The following GLRA3 variants were observed in gnomAD, a reference collection of about 807,000 sequenced individuals.
GLRA3 encodes the protein glycine receptor alpha 3.
A neutral mutation model predicts 60.4 loss-of-function variants in GLRA3; 44 were observed. That is an observed-to-expected ratio of 0.73 (90% CI 0.57 to 0.94). The LOEUF is 0.94. Among genes scored for constraint, GLRA3 ranks in the 40% least tolerant of loss-of-function variants. The pLI is 0.00. For missense variants in GLRA3, 508 were observed against 564.6 expected (o/e 0.90, Z 1.02); for synonymous variants, 223 against 192.9 (o/e 1.16, Z -1.29).
At chr4:174,697,950 C>A (rs4695951) in intron 5 of GLRA3, among the ~76,000 whole-genome samples, 1 of 152,118 alleles carries the variant, frequency 6.6e-6, no homozygotes, top group Non-Finnish European at 1.5e-5. Flanking sequence ...GGGTCTTGCC[C>A]GACTACCTTT....
chr4:174,643,541 T>TG lies in GLRA3; in HGVS notation c.*244dup, dbSNP rs1295417707. On this transcript the variant is annotated 3_prime_UTR_variant, in exon 10 of 10. Coordinates refer to ENST00000274093, the MANE Select transcript of GLRA3 (RefSeq NM_006529.4). ...AAGCTTCCACTTACATGGTTTACTG[T>TG]GAAAAAACAAATCACCTGGAATTAA... is the stretch of plus-strand genomic sequence containing the variant. 1.7e-6 allele frequency: 2 copies of TG among 1,163,768 alleles called. No homozygotes were observed. The highest frequency in any genetic ancestry group is 2.1e-6 in the Non-Finnish European group (2 of 939,996). 72.1% of individuals were successfully genotyped at this position (1,163,768 alleles called of 1,614,324 possible).
At chr4:174,799,485 C>T (rs1337551359) in intron 1 of GLRA3, among the ~76,000 whole-genome samples, 5 of 152,166 alleles carry the variant, frequency 3.3e-5, no homozygotes, top group Admixed American at 6.5e-5. Context: ...AACTGAGAGG[C>T]TAACAACCTG....
intron 5 of GLRA3, among the ~76,000 whole-genome samples, chr4:174,710,128 A>T (rs1032508199): frequency 9.9e-5 from 15 of 151,774 alleles, no homozygotes; most frequent in African/African-American, 3.4e-4. Context: ...AAACTTGATG[A>T]TGCTGTCTTT....
chr4:174,752,034 T>G (rs1737508943), intron 3 of GLRA3, among the ~76,000 whole-genome samples: 1 of 152,172 alleles, frequency 6.6e-6, no homozygotes, highest in African/African-American at 2.4e-5. Context: ...TTTTTATGTC[T>G]GCTGTCAAAT....
intron 1 of GLRA3, among the ~76,000 whole-genome samples, chr4:174,808,888 ATTG>A (rs1740153059): frequency 1.3e-5 from 2 of 152,224 alleles, no homozygotes; most frequent in Non-Finnish European, 2.9e-5. Flanking sequence ...TAAGCTAAGC[ATTG>A]TTATCAAAGA....
chr4:174,742,742 T>C (rs1294849413), intron 3 of GLRA3, among the ~76,000 whole-genome samples: 4 of 152,192 alleles, frequency 2.6e-5, no homozygotes, highest in African/African-American at 4.8e-5. Context: ...TTCATCACCT[T>C]TCCCAGAAGG....
rs562449164 is a variant in GLRA3, at chr4:174,691,590, C to T, written c.575-8651G>A. Among the ~76,000 whole-genome samples, 258 of 152,324 alleles carry T rather than the reference C, an allele frequency of 1.7e-3. 3 individuals are homozygous for T. The highest frequency in any genetic ancestry group is 0.015 in the Admixed American group (231 of 15,306). On this transcript the variant is annotated intron_variant, in intron 5 of 9. Coordinates refer to ENST00000274093, the MANE Select transcript of GLRA3 (RefSeq NM_006529.4). ...TATTTTTTTGGTGGAGACGGGGTTT[C>T]GCTGTGTTGGCTGGGCTGGTCTCCA...
chr4:174,697,671 T>A (rs1384115474), intron 5 of GLRA3, among the ~76,000 whole-genome samples: 5 of 152,204 alleles, frequency 3.3e-5, no homozygotes, highest in Admixed American at 2.6e-4. Context: ...TTAACGTATA[T>A]CACAGACTTA....
intron 3 of GLRA3, among the ~76,000 whole-genome samples, chr4:174,736,073 A>C (rs1483083834): frequency 2.0e-5 from 3 of 152,090 alleles, no homozygotes; most frequent in Non-Finnish European, 4.4e-5. Flanking sequence ...ATGGGAAGAA[A>C]ATTTTTTGAG....
chr4:174,828,670 A>T (rs975760154), intron 1 of GLRA3, 71 bp downstream of exon 1: 3 of 902,326 alleles, frequency 3.3e-6, no homozygotes, highest in African/African-American at 1.6e-5. Flanking sequence ...CGGTCTCATC[A>T]ATAACAAGTG....
intron 3 of GLRA3, among the ~76,000 whole-genome samples, chr4:174,730,813 T>A (rs886762506): frequency 3.9e-5 from 6 of 152,162 alleles, no homozygotes; most frequent in Admixed American, 2.0e-4. Flanking sequence ...TTCTGAAATA[T>A]CTCTATCTCT....
intron 3 of GLRA3, among the ~76,000 whole-genome samples, chr4:174,741,263 A>G (rs1476064322): frequency 2.6e-5 from 4 of 152,188 alleles, no homozygotes; most frequent in African/African-American, 9.6e-5. Flanking sequence ...TGTTTAAAAA[A>G]TTAATTTCAC....
chr4:174,648,042 G>A (rs753139422), intron 9 of GLRA3, among the ~76,000 whole-genome samples: 4 of 152,190 alleles, frequency 2.6e-5, no homozygotes, highest in Non-Finnish European at 5.9e-5. Context: ...GGATGCAGTA[G>A]TGTGAAAAGT....
At chr4:174,743,358 T>C (rs907422386) in intron 3 of GLRA3, among the ~76,000 whole-genome samples, 3 of 152,182 alleles carry the variant, frequency 2.0e-5, no homozygotes, top group African/African-American at 7.2e-5. Flanking sequence ...GCTTTTAACT[T>C]AGTCTCTTCT....
intron 2 of GLRA3, among the ~76,000 whole-genome samples, chr4:174,776,765 A>C (rs1370345910): frequency 6.6e-6 from 1 of 152,198 alleles, no homozygotes; most frequent in Non-Finnish European, 1.5e-5. Flanking sequence ...GATTGTTACT[A>C]TTGTCATAAA....
chr4:174,773,304 C>T (rs1458832630), intron 2 of GLRA3, among the ~76,000 whole-genome samples: 1 of 125,816 alleles, frequency 7.9e-6, no homozygotes, highest in East Asian at 3.1e-4. Context: ...AGTAAGTTTT[C>T]GTTTAGATGT....
At chr4:174,660,128 ACT>A (rs1733379979) in intron 7 of GLRA3, among the ~76,000 whole-genome samples, 1 of 152,102 alleles carries the variant, frequency 6.6e-6, no homozygotes, top group South Asian at 2.1e-4. Flanking sequence ...AACACCATAC[ACT>A]CAACAAAATC....
intron 7 of GLRA3, among the ~76,000 whole-genome samples, chr4:174,673,507 G>T (rs533661005): frequency 1.4e-4 from 22 of 152,272 alleles, no homozygotes; most frequent in Admixed American, 1.4e-3. Flanking sequence ...AAGTTTTGGG[G>T]TGAGTGGGTC....
At chr4:174,803,879 T>C (rs564448841) in intron 1 of GLRA3, among the ~76,000 whole-genome samples, 1 of 152,332 alleles carries the variant, frequency 6.6e-6, no homozygotes, top group Non-Finnish European at 1.5e-5. Context: ...ATTCAACTCC[T>C]GGTTGAAATT....
Sources: allele counts gnomAD v4.1 joint callset (sites outside exome capture counted in the v4.1 genomes callset), GRCh38; gene constraint gnomAD v4.1.1; transcripts MANE v1.5; gene names NCBI Gene and HGNC (gene_info 2026-07-23, HGNC 2026-07-21).